The following MOB1B variants were observed in gnomAD, a reference collection of about 807,000 sequenced individuals.
MOB1B encodes the protein MOB1 Mps One Binder homolog B.
Under a neutral mutation model 24.4 loss-of-function variants are expected in MOB1B, and 19 were observed. That is an observed-to-expected ratio of 0.78 (90% CI 0.54 to 1.14). The LOEUF is 1.14. Among genes scored for constraint, MOB1B ranks in the 50% most tolerant of loss-of-function variants. The probability of loss-of-function intolerance (pLI) is 0.00; values close to 1 mark genes in which losing one functional copy is unlikely to be tolerated. For synonymous variants in MOB1B, 76 were observed against 82.1 expected, an observed-to-expected ratio of 0.93 and a Z score of 0.40; for missense variants, 243 against 259.6, an observed-to-expected ratio of 0.94 and a Z score of 0.44.
intron 1 of MOB1B, among the ~76,000 whole-genome samples, chr4:70,948,842 C>T (rs188036471): frequency 2.4e-4 from 37 of 152,224 alleles, no homozygotes; most frequent in South Asian, 4.1e-4. Context: ...CTTTTGACTG[C>T]CAAGTTCCCC....
At chr4:70,971,202 TA>T (rs1184739522) in intron 3 of MOB1B, among the ~76,000 whole-genome samples, 1 of 152,124 alleles carries the variant, frequency 6.6e-6, no homozygotes, top group African/African-American at 2.4e-5. Flanking sequence ...ATAGTCCCTT[TA>T]AAAAATAATG....
At chr4:70,920,537 A>G (rs1444513901) in intron 1 of MOB1B, among the ~76,000 whole-genome samples, 1 of 152,192 alleles carries the variant, frequency 6.6e-6, no homozygotes, top group Non-Finnish European at 1.5e-5. Context: ...TTATTATTAC[A>G]GCAATTAATT....
At chr4:70,922,453 G>A (rs1303224148) in intron 1 of MOB1B, among the ~76,000 whole-genome samples, 1 of 152,190 alleles carries the variant, frequency 6.6e-6, no homozygotes, top group African/African-American at 2.4e-5. Flanking sequence ...TCGAGGTGGG[G>A]AGGGGGCTTG....
At chr4:70,933,542 CTTTTTTT>C (rs34950388) in intron 1 of MOB1B, among the ~76,000 whole-genome samples, 12 of 91,614 alleles carry the variant, frequency 1.3e-4, no homozygotes, top group South Asian at 7.2e-4. Flanking sequence ...AAAAATAACT[CTTTTTTT>C]TTTTTTTTTT....
At chr4:70,903,754 G>A (rs1297517279) in intron 1 of MOB1B, among the ~76,000 whole-genome samples, 2 of 150,842 alleles carry the variant, frequency 1.3e-5, no homozygotes, top group African/African-American at 4.9e-5. Flanking sequence ...TTTTTTTTAG[G>A]GTGTTTAAGC....
rs563555826 is a variant in MOB1B at position 70,918,440 on chromosome 4, G to C, written c.14+15890G>C. Among the ~76,000 whole-genome samples the C allele has an allele frequency of 5.3e-5, 8 of 152,008 alleles. No homozygotes were observed. In the South Asian group the frequency reaches 1.7e-3, roughly 32 times the overall value. ...TTGATTTGCATTTCTCTGATGGCCA[G>C]TGATGGTGAGCATTTTTTCATGTGT... On this transcript the variant is annotated intron_variant, in intron 1 of 5. Transcript: ENST00000309395.
intron 1 of MOB1B, among the ~76,000 whole-genome samples, chr4:70,932,992 A>C (rs1006323763): frequency 6.6e-6 from 1 of 152,188 alleles, no homozygotes; most frequent in African/African-American, 2.4e-5. Flanking sequence ...GCTGTGAACA[A>C]ATACCAGAGA....
intron 4 of MOB1B, chr4:70,975,900 A>T: frequency 2.5e-6 from 2 of 788,618 alleles, no homozygotes; most frequent in Non-Finnish European, 3.1e-6. Context: ...TTTTAATCTA[A>T]ATTTTTCATT....
At chr4:70,965,330 T>C (rs1161071216) in intron 2 of MOB1B, among the ~76,000 whole-genome samples, 1 of 149,590 alleles carries the variant, frequency 6.7e-6, no homozygotes, top group Non-Finnish European at 1.5e-5. Flanking sequence ...AGTGGTTCTT[T>C]GCAAAGTTTA....
At position 70,985,783 on chromosome 4, in the gene MOB1B, G is replaced by C. The variant is rs952932934; in HGVS notation, c.*3726G>C. On this transcript the variant is annotated 3_prime_UTR_variant, in exon 6 of 6. Transcript: ENST00000309395. ...GATCCGCCCTCCCCAGCCTCCCAAA[G>C]TGCTGGGATTACAGGTGTGAGCCAC... is the stretch of plus-strand genomic sequence containing the variant. The C allele has an allele frequency of 6.6e-6, 1 of 152,382 alleles. No individual in the cohort carries two copies. Among genetic ancestry groups the C allele is most frequent in the Non-Finnish European group, 1.5e-5 (1 of 68,114 alleles). 9.4% of individuals were successfully genotyped at this position (152,382 alleles called of 1,614,324 possible).
At chr4:70,914,474 G>T (rs1736120783) in intron 1 of MOB1B, among the ~76,000 whole-genome samples, 1 of 152,176 alleles carries the variant, frequency 6.6e-6, no homozygotes, top group Non-Finnish European at 1.5e-5. Context: ...CGTTGGTTCT[G>T]CTCAGTGGAG....
At chr4:70,929,555 A>T (rs1364808232) in intron 1 of MOB1B, among the ~76,000 whole-genome samples, 1 of 151,824 alleles carries the variant, frequency 6.6e-6, no homozygotes, top group Non-Finnish European at 1.5e-5. Flanking sequence ...ACAACTGCTT[A>T]TTGTGGCCTC....
intron 1 of MOB1B, among the ~76,000 whole-genome samples, chr4:70,954,003 T>G (rs923945598): frequency 3.3e-5 from 5 of 152,026 alleles, no homozygotes; most frequent in African/African-American, 1.2e-4. Context: ...TTTTCCTGAT[T>G]TCCAGTCTAA....
Position 70,954,801 on chromosome 4 carries a change from A to C in MOB1B, c.15-4073A>C, listed in dbSNP as rs10212829. Among the ~76,000 whole-genome samples, 50 of 148,066 alleles carry C rather than the reference A, an allele frequency of 3.4e-4. 1 individual carries two copies. The highest frequency in any genetic ancestry group is 1.2e-3 in the African/African-American group (46 of 39,774). ...AGTCTCGCTCTGTCACCCAGGCTGG[A>C]GTGCAGTGGTGCGATCTGGGCATGG... On this transcript the variant is annotated intron_variant, in intron 1 of 5. Coordinates refer to ENST00000309395, the MANE Select transcript of MOB1B (RefSeq NM_173468.4).
intron 1 of MOB1B, among the ~76,000 whole-genome samples, chr4:70,948,132 T>A (rs181582693): frequency 8.1e-4 from 123 of 152,296 alleles, no homozygotes; most frequent in Non-Finnish European, 1.5e-3. Context: ...GATTTATGTT[T>A]TTGCCTCTGG....
intron 4 of MOB1B, among the ~76,000 whole-genome samples, chr4:70,978,624 AT>A (rs1344942773): frequency 6.6e-6 from 1 of 152,194 alleles, no homozygotes; most frequent in Non-Finnish European, 1.5e-5. Flanking sequence ...AAGTGCTGTA[AT>A]TTACAAATCG....
At chr4:70,923,286 C>T (rs1038921269) in intron 1 of MOB1B, among the ~76,000 whole-genome samples, 1 of 152,092 alleles carries the variant, frequency 6.6e-6, no homozygotes, top group African/African-American at 2.4e-5. Flanking sequence ...AGGCTGAGGT[C>T]CACAGGATCC....
At chr4:70,902,228 C>T (rs138927362), upstream of MOB1B, 152 of 540,484 alleles carry the variant, frequency 2.8e-4, 1 homozygote, top group East Asian at 4.5e-3. Context: ...GGGCTTGCAC[C>T]GCTATCGCGA....
intron 1 of MOB1B, among the ~76,000 whole-genome samples, chr4:70,904,100 A>G (rs1735640362): frequency 6.9e-6 from 1 of 144,166 alleles, no homozygotes; most frequent in African/African-American, 2.6e-5. Context: ...CTCCTGCCTC[A>G]GCCTCCTGAG....
Sources: gnomAD v4.1 joint callset for allele counts (sites outside exome capture counted in the v4.1 genomes callset) on GRCh38, gnomAD v4.1.1 for gene constraint, MANE v1.5 for transcripts, NCBI Gene and HGNC (gene_info 2026-07-23, HGNC 2026-07-21) for gene names.